PSD3: variants seen among roughly 807,000 people sequenced by gnomAD.
PSD3 encodes pleckstrin and Sec7 domain containing 3.
A neutral mutation model predicts 105.5 loss-of-function variants in PSD3; 49 were observed. The observed-to-expected ratio is 0.46, with a 90% CI of 0.37 to 0.59. PSD3 has a LOEUF of 0.59. Among genes scored for constraint, PSD3 ranks in the 20% least tolerant of loss-of-function variants. PSD3 has a pLI of 0.00. For missense variants in PSD3, 1,561 were observed against 1,263.8 expected, an observed-to-expected ratio of 1.24 and a Z score of -3.57; for synonymous variants, 557 against 457.8, an observed-to-expected ratio of 1.22 and a Z score of -2.77.
intron 9 of PSD3, chr8:18,683,652 C>A: frequency 1.6e-6 from 1 of 634,228 alleles, no homozygotes; most frequent in East Asian, 2.6e-5. Flanking sequence ...TCTCTTAGAA[C>A]CATTTTATAC....
At chr8:18,932,070 A>G (rs567553706) in intron 2 of PSD3, among the ~76,000 whole-genome samples, 1 of 152,356 alleles carries the variant, frequency 6.6e-6, no homozygotes, top group African/African-American at 2.4e-5. Context: ...AGATTCTGCT[A>G]CTTTAATACA....
chr8:18,906,964 G>A (rs1819889376), intron 2 of PSD3, among the ~76,000 whole-genome samples: 1 of 151,722 alleles, frequency 6.6e-6, no homozygotes, highest in African/African-American at 2.4e-5. Flanking sequence ...AGCTTAAAAA[G>A]AAAATATAAA....
At chr8:18,546,174 T>A (rs1304397698) in intron 15 of PSD3, among the ~76,000 whole-genome samples, 1 of 152,136 alleles carries the variant, frequency 6.6e-6, no homozygotes, top group Non-Finnish European at 1.5e-5. Flanking sequence ...ATTTTGTATT[T>A]TTAGTAGAGA....
At chr8:18,930,822 C>T (rs1002322456) in intron 2 of PSD3, among the ~76,000 whole-genome samples, 3 of 152,140 alleles carry the variant, frequency 2.0e-5, no homozygotes, top group Non-Finnish European at 4.4e-5. Context: ...CCCGACTTGG[C>T]CTCCCAAAGT....
intron 9 of PSD3, among the ~76,000 whole-genome samples, chr8:18,756,162 C>G (rs373509962): frequency 6.6e-6 from 1 of 152,260 alleles, no homozygotes; most frequent in South Asian, 2.1e-4. Flanking sequence ...ACCAGGTTTC[C>G]ATGACCTTCT....
chr8:18,985,859 A>T (rs1825473534), intron 1 of PSD3, among the ~76,000 whole-genome samples: 3 of 152,014 alleles, frequency 2.0e-5, no homozygotes, highest in Admixed American at 2.0e-4. Flanking sequence ...ACATTCATGG[A>T]TACTTTTTTT....
chr8:18,935,526 AAG>A (rs1363528892), intron 2 of PSD3, among the ~76,000 whole-genome samples: 4 of 151,284 alleles, frequency 2.6e-5, no homozygotes, highest in Non-Finnish European at 5.9e-5. Context: ...AAAAAAAAAA[AAG>A]AAAAAAAGTA....
intron 9 of PSD3, among the ~76,000 whole-genome samples, chr8:18,668,140 C>A (rs1025299718): frequency 2.6e-5 from 4 of 152,212 alleles, no homozygotes; most frequent in Admixed American, 2.6e-4. Context: ...CACAGTGCAG[C>A]GGCAGGCTGA....
At chr8:18,771,687 T>G (rs2129444380) in intron 8 of PSD3, among the ~76,000 whole-genome samples, 1 of 152,364 alleles carries the variant, frequency 6.6e-6, no homozygotes, top group Non-Finnish European at 1.5e-5. Flanking sequence ...TTGATTATAC[T>G]GCAATGATCT....
intron 10 of PSD3, among the ~76,000 whole-genome samples, chr8:18,644,882 T>C (rs1039371345): frequency 2.0e-5 from 3 of 152,180 alleles, no homozygotes; most frequent in African/African-American, 7.2e-5. Flanking sequence ...TCTTACAGTA[T>C]TGGAGGCTGG....
rs376075805 is a variant in PSD3, at chr8:18,748,763, A to G, written c.2172+16686T>C. Among the ~76,000 whole-genome samples, 23 of 152,210 alleles carry G rather than the reference A, an allele frequency of 1.5e-4. No individual in the cohort carries two copies. In the South Asian group the frequency reaches 4.4e-3, roughly 29 times the overall value. On this transcript the variant is annotated intron_variant, in intron 9 of 15. Transcript: ENST00000327040. ...TTAGAGACACCAAGGACCTGCCAAC[A>G]TGACCTCATCATCTCTCCACACAAG...
chr8:18,702,737 C>G (rs552786300), intron 9 of PSD3, among the ~76,000 whole-genome samples: 1 of 151,932 alleles, frequency 6.6e-6, no homozygotes, highest in Non-Finnish European at 1.5e-5. Flanking sequence ...CTCAGCCTCC[C>G]GAGTAGCTGG....
At chr8:18,834,309 A>G (rs936735411) in intron 4 of PSD3, among the ~76,000 whole-genome samples, 1 of 152,360 alleles carries the variant, frequency 6.6e-6, no homozygotes, top group East Asian at 1.9e-4. Flanking sequence ...TGATAAATGG[A>G]TAGAAAAACA....
chr8:18,741,437 C>G (rs1026059842), intron 9 of PSD3, among the ~76,000 whole-genome samples: 1 of 152,148 alleles, frequency 6.6e-6, no homozygotes, highest in Admixed American at 6.5e-5. Flanking sequence ...AACTTTACAA[C>G]AGTGGTCCAT....
At chr8:18,905,700 C>T (rs537404293) in intron 2 of PSD3, among the ~76,000 whole-genome samples, 4 of 152,044 alleles carry the variant, frequency 2.6e-5, no homozygotes, top group Non-Finnish European at 5.9e-5. Flanking sequence ...TACTGTCTTC[C>T]CTACTTACTT....
intron 1 of PSD3, chr8:19,084,151 G>A (rs375956270): frequency 6.3e-5 from 25 of 397,420 alleles, no homozygotes; most frequent in African/African-American, 1.2e-4. Flanking sequence ...AGGGTGGCAC[G>A]TCTGTCCCCT....
chr8:18,903,356 T>C (rs1460152397), intron 2 of PSD3, among the ~76,000 whole-genome samples: 1 of 152,084 alleles, frequency 6.6e-6, no homozygotes, highest in Non-Finnish European at 1.5e-5. Context: ...CATCTGAGCC[T>C]CTGTGAGGCC....
chr8:19,039,770 G>C (rs73666800), intron 1 of PSD3, among the ~76,000 whole-genome samples: 2 of 152,104 alleles, frequency 1.3e-5, no homozygotes, highest in Non-Finnish European at 2.9e-5. Context: ...TCTCATTAAT[G>C]TATATTCACA....
At chr8:18,617,893 C>T (rs76545385) in intron 11 of PSD3, among the ~76,000 whole-genome samples, 25 of 152,224 alleles carry the variant, frequency 1.6e-4, no homozygotes, top group African/African-American at 5.8e-4. Flanking sequence ...AATGCATTTT[C>T]TTTGACATAT....
Sources: gnomAD v4.1 joint callset for allele counts (sites outside exome capture counted in the v4.1 genomes callset) on GRCh38, gnomAD v4.1.1 for gene constraint, MANE v1.5 for transcripts, NCBI Gene and HGNC (gene_info 2026-07-23, HGNC 2026-07-21) for gene names.